The following TCF7L1 variants were observed in gnomAD, a reference collection of about 807,000 sequenced individuals.
TCF7L1 encodes transcription factor 7-like 1.
A neutral mutation model predicts 63.7 loss-of-function variants in TCF7L1; 18 were observed. The ratio of observed to expected loss-of-function variants is 0.28; its 90% confidence interval spans 0.20 to 0.42. TCF7L1 has a LOEUF of 0.42. TCF7L1 is among the 10% of genes least tolerant of loss of function. The probability of loss-of-function intolerance (pLI) is 1.00; values close to 1 mark genes in which losing one functional copy is unlikely to be tolerated. For synonymous variants in TCF7L1, 355 were observed against 340.9 expected (o/e 1.04, Z -0.46); for missense variants, 654 against 779.3 (o/e 0.84, Z 1.91).
At chr2:85,255,114 G>C (rs911681688) in intron 3 of TCF7L1, among the ~76,000 whole-genome samples, 5 of 152,102 alleles carry the variant, frequency 3.3e-5, no homozygotes, top group African/African-American at 1.2e-4. Flanking sequence ...ATGGCCTCAA[G>C]AGTGTGTCTT....
chr2:85,231,472 G>A (rs1680079305), intron 3 of TCF7L1, among the ~76,000 whole-genome samples: 2 of 152,160 alleles, frequency 1.3e-5, no homozygotes, highest in South Asian at 2.1e-4. Flanking sequence ...CCTCGTCCAC[G>A]TGACAGCCTT....
chr2:85,281,974 A>G (rs1453759142), intron 3 of TCF7L1, among the ~76,000 whole-genome samples: 2 of 149,206 alleles, frequency 1.3e-5, no homozygotes, highest in Non-Finnish European at 2.9e-5. Flanking sequence ...AGAGTGAGGG[A>G]TGATTCAAAG....
intron 3 of TCF7L1, among the ~76,000 whole-genome samples, chr2:85,209,253 A>G (rs535366614): frequency 6.6e-6 from 1 of 152,332 alleles, no homozygotes; most frequent in African/African-American, 2.4e-5. Flanking sequence ...GAGGGATCAC[A>G]AAGGTGTGGA....
At chr2:85,136,861 C>T (rs546666856) in intron 3 of TCF7L1, among the ~76,000 whole-genome samples, 4 of 152,068 alleles carry the variant, frequency 2.6e-5, no homozygotes, top group Non-Finnish European at 5.9e-5. Flanking sequence ...TTCTGCTGAA[C>T]GATTCTATTA....
At chr2:85,263,204 G>A (rs573039789) in intron 3 of TCF7L1, among the ~76,000 whole-genome samples, 24 of 152,304 alleles carry the variant, frequency 1.6e-4, no homozygotes, top group African/African-American at 5.8e-4. Flanking sequence ...GCTAGAAAAT[G>A]GATGGAGGGT....
chr2:85,283,649 C>CGTGATGGCAGAAGG, intron 4 of TCF7L1, 71 bp downstream of exon 4: 1 of 1,532,320 alleles, frequency 6.5e-7, no homozygotes, highest in Non-Finnish European at 9.0e-7. Flanking sequence ...CTGCCTTCTG[C>CGTGATGGCAGAAGG]CATCACGCTG....
intron 3 of TCF7L1, among the ~76,000 whole-genome samples, chr2:85,205,861 C>T (rs773162287): frequency 8.3e-4 from 126 of 152,340 alleles, no homozygotes; most frequent in Admixed American, 2.1e-3. Flanking sequence ...GTTTTCTCCA[C>T]ACCTGTGCTT....
At chr2:85,283,633 A>T (rs1681476160) in intron 4 of TCF7L1, 55 bp downstream of exon 4, 1 of 1,568,796 alleles carries the variant, frequency 6.4e-7, no homozygotes, top group Non-Finnish European at 8.8e-7. Flanking sequence ...GCCTCATCCC[A>T]TGCCACTGCC....
At chr2:85,149,042 G>T (rs556256511) in intron 3 of TCF7L1, among the ~76,000 whole-genome samples, 2 of 152,180 alleles carry the variant, frequency 1.3e-5, no homozygotes, top group South Asian at 4.1e-4. Context: ...GCCTCCCAAA[G>T]TGCTAGGATT....
At chr2:85,230,681 G>C (rs539181570) in intron 3 of TCF7L1, among the ~76,000 whole-genome samples, 1 of 152,266 alleles carries the variant, frequency 6.6e-6, no homozygotes, top group Admixed American at 6.5e-5. Context: ...TTCCTTGCAG[G>C]GGGCTGAATC....
In TCF7L1 at chr2:85,208,611, T is replaced by C. The variant is rs17026029; in HGVS notation, c.441+74161T>C. ...TTTCAGAGTGAATTCTATCTGTGTG[T>C]CTATCTTGTCTCATGGTGCAGTTTT... On this transcript the variant is annotated intron_variant, in intron 3 of 11. Coordinates refer to ENST00000282111, the MANE Select transcript of TCF7L1 (RefSeq NM_031283.3). Among the ~76,000 whole-genome samples the C allele has an allele frequency of 6.9e-3, 1,046 of 152,290 alleles. 11 individuals are homozygous for C. The highest frequency in any genetic ancestry group is 0.024 in the African/African-American group (998 of 41,544).
chr2:85,271,386 C>T (rs1354598640), intron 3 of TCF7L1, among the ~76,000 whole-genome samples: 1 of 152,240 alleles, frequency 6.6e-6, no homozygotes, highest in Non-Finnish European at 1.5e-5. Context: ...GCTGGGATTA[C>T]AGGCATAAGC....
intron 3 of TCF7L1, among the ~76,000 whole-genome samples, chr2:85,175,434 C>G (rs536336032): frequency 3.3e-4 from 51 of 152,318 alleles, no homozygotes; most frequent in Admixed American, 9.8e-4. Context: ...CAGCAAGACC[C>G]CTGATAACGT....
chr2:85,243,002 A>T (rs1194593992), intron 3 of TCF7L1, among the ~76,000 whole-genome samples: 1 of 152,210 alleles, frequency 6.6e-6, no homozygotes, highest in East Asian at 1.9e-4. Context: ...ACATCTTGGC[A>T]CATAGTAGTT....
chr2:85,248,830 C>T (rs1442806495), intron 3 of TCF7L1, among the ~76,000 whole-genome samples: 2 of 152,214 alleles, frequency 1.3e-5, no homozygotes, highest in Admixed American at 1.3e-4. Flanking sequence ...GCAGTCAGTT[C>T]TTCACTGCCC....
At chr2:85,250,703 T>C (rs946140904) in intron 3 of TCF7L1, among the ~76,000 whole-genome samples, 2 of 152,146 alleles carry the variant, frequency 1.3e-5, no homozygotes, top group African/African-American at 4.8e-5. Flanking sequence ...CCCAAAGTGG[T>C]AGGATTACAG....
intron 3 of TCF7L1, among the ~76,000 whole-genome samples, chr2:85,267,481 C>T (rs551401579): frequency 6.6e-6 from 1 of 151,560 alleles, no homozygotes; most frequent in Non-Finnish European, 1.5e-5. Context: ...GAACCCCTGT[C>T]TTTACTAAAA....
At chr2:85,181,543 A>G (rs1678806058) in intron 3 of TCF7L1, among the ~76,000 whole-genome samples, 1 of 152,112 alleles carries the variant, frequency 6.6e-6, no homozygotes, top group South Asian at 2.1e-4. Context: ...CAGCACACAC[A>G]GGGAACCCCA....
In TCF7L1 at chr2:85,134,219, C is replaced by T. The variant is rs1677534179; in HGVS notation, c.314-104C>T. 1 of 1,478,578 alleles carries T rather than the reference C, an allele frequency of 6.8e-7. No homozygotes were observed. The highest frequency in any genetic ancestry group is 1.4e-5 in the South Asian group (1 of 72,614). The allele number at this position is 1,478,578 out of a possible 1,614,324, so 91.6% of individuals were successfully genotyped here. A position where few individuals can be genotyped will look rare whatever the true frequency, so the allele number is the denominator to read the frequency against. On this transcript the variant is annotated intron_variant, in intron 2 of 11. Coordinates refer to ENST00000282111, the MANE Select transcript of TCF7L1 (RefSeq NM_031283.3). The surrounding 1 kb of genome is among the most constrained non-coding windows in gnomAD (Gnocchi z 5.0). ...TATTGGCGGCAGCCCCCGTGGGGCG[C>T]GCGTGGGGGGCGCTGGGGTCCCCAG... is the stretch of plus-strand genomic sequence containing the variant.
Sources: allele counts gnomAD v4.1 joint callset (sites outside exome capture counted in the v4.1 genomes callset), GRCh38; gene constraint gnomAD v4.1.1; non-coding constraint Gnocchi (gnomAD v3.1); transcripts MANE v1.5; gene names NCBI Gene and HGNC (gene_info 2026-07-23, HGNC 2026-07-21).